LGR4: variants seen among roughly 807,000 people sequenced by gnomAD.
The protein encoded by LGR4 is leucine-rich repeat-containing G protein-coupled receptor 4.
In LGR4, 44 loss-of-function variants were observed where a neutral mutation model predicts 84.8. The ratio of observed to expected loss-of-function variants is 0.52; its 90% CI spans 0.41 to 0.67. LGR4 has a LOEUF of 0.67. LGR4 is among the 30% of genes least tolerant of loss of function. The pLI is 0.00. For synonymous variants in LGR4, 429 were observed against 434.3 expected (o/e 0.99, Z 0.15); for missense variants, 1,032 against 1,131.4 (o/e 0.91, Z 1.26).
chr11:27,372,342 T>A lies in LGR4; in HGVS notation c.1436A>T (p.Tyr479Phe). Residue 479 changes from tyrosine to phenylalanine, a missense_variant, in exon 16 of 18, where the codon TAT (tyrosine) becomes TTT (phenylalanine). Tyr to Phe is a conservative substitution (Grantham distance 22, BLOSUM62 3). Coordinates refer to ENST00000379214, the MANE Select transcript of LGR4 (RefSeq NM_018490.5). Reference sequence around the variant, plus strand: ...GTTATCTTCTGTGTTTAAATTTGCATAAGAGTCACAACCCCAAAATGCACA... The same window carrying A: ...GTTATCTTCTGTGTTTAAATTTGCAAAAGAGTCACAACCCCAAAATGCACA... Reference protein sequence around the residue: ...QCCAFWGCDSYANLNTEDNSL... With the variant: ...QCCAFWGCDSFANLNTEDNSL... 6.2e-7 allele frequency: 1 copy of A among 1,613,906 alleles called. No individual in the cohort carries two copies. The highest frequency in any genetic ancestry group is 8.5e-7 in the Non-Finnish European group (1 of 1,179,820).
chr11:27,416,361 A>G (rs75071038), intron 1 of LGR4, among the ~76,000 whole-genome samples: 7,889 of 152,238 alleles, frequency 0.052, 251 homozygotes, highest in Middle Eastern at 0.095. Flanking sequence ...TCGTTTGTAA[A>G]ACGGAGGCAG....
At chr11:27,467,743 C>A (rs1383249431) in intron 1 of LGR4, among the ~76,000 whole-genome samples, 1 of 152,172 alleles carries the variant, frequency 6.6e-6, no homozygotes. Flanking sequence ...TGGAACCCAG[C>A]ACTCCCTATG....
In LGR4 at chr11:27,466,691, G is replaced by A. The variant is rs542067226; in HGVS notation, c.185+5427C>T. On this transcript the variant is annotated intron_variant, in intron 1 of 17. Transcript: ENST00000379214. ...ATTAAACACTTATGATACCATAACC[G>A]GCAGAGCATTTAGTTTGACTGGAAA... 3.3e-5 allele frequency among the ~76,000 whole-genome samples: 5 copies of A among 152,310 alleles called. No homozygotes were observed. In the South Asian group the frequency reaches 8.3e-4, roughly 25 times the overall value.
rs191549695 is a variant in LGR4 at position 27,367,839 on chromosome 11, C to T, written c.*28G>A. 1.2e-5 allele frequency: 18 copies of T among 1,515,538 alleles called. No individual in the cohort carries two copies. The highest frequency in any genetic ancestry group is 3.5e-4 in the Middle Eastern group (2 of 5,648). 93.9% of individuals were successfully genotyped at this position (1,515,538 alleles called of 1,614,324 possible). ...CTCTATAAACACTGATTTTGGTTGA[C>T]GGGGGAAACGGTTACACACACAGTA... On this transcript the variant is annotated 3_prime_UTR_variant, in exon 18 of 18. Transcript: ENST00000379214.
intron 2 of LGR4, among the ~76,000 whole-genome samples, chr11:27,409,547 G>A (rs1008714368): frequency 7.2e-5 from 11 of 151,820 alleles, no homozygotes; most frequent in Non-Finnish European, 1.5e-4. Flanking sequence ...AGTTATTCAG[G>A]GCAAAAACCC....
intron 4 of LGR4, among the ~76,000 whole-genome samples, chr11:27,387,947 G>A (rs184433805): frequency 1.3e-5 from 2 of 152,144 alleles, no homozygotes; most frequent in African/African-American, 4.8e-5. Flanking sequence ...TGAATTCTGT[G>A]TCATCAAGGA....
rs1165353709 is a variant in LGR4 at position 27,472,756 on chromosome 11, T to A, written c.-454A>T. ...TGTCTCCCAGCCGCGGCTCAATCTC[T>A]TCCCGTCCTTTTCCCTTCTAGGGTT... On this transcript the variant is annotated 5_prime_UTR_variant, in exon 1 of 18. In the 5' UTR this introduces an upstream ATG that the reference lacks. Transcript: ENST00000379214. The A allele has an allele frequency of 3.3e-6, 1 of 303,268 alleles. No homozygotes were observed. Among genetic ancestry groups the A allele is most frequent in the Non-Finnish European group, 6.0e-6 (1 of 166,100 alleles). The allele number at this position is 303,268 out of a possible 1,614,324, so 18.8% of individuals were successfully genotyped here. A position where few individuals can be genotyped will look rare whatever the true frequency, so the allele number is the denominator to read the frequency against.
At chr11:27,399,304 G>A (rs1323446010) in intron 2 of LGR4, among the ~76,000 whole-genome samples, 4 of 152,064 alleles carry the variant, frequency 2.6e-5, no homozygotes, top group Non-Finnish European at 5.9e-5. Flanking sequence ...TGCTTCTCCT[G>A]GGATGCCATT....
At chr11:27,412,960 G>A (rs759856082) in intron 1 of LGR4, 100 bp from the exon 2 acceptor site, 1 of 780,010 alleles carries the variant, frequency 1.3e-6, no homozygotes, top group East Asian at 2.5e-5. Context: ...TTTTGTGAAA[G>A]AGCATAGAAG....
At chr11:27,428,579 G>A (rs1357786962) in intron 1 of LGR4, among the ~76,000 whole-genome samples, 6 of 152,188 alleles carry the variant, frequency 3.9e-5, no homozygotes, top group Non-Finnish European at 8.8e-5. Flanking sequence ...AGTCAAGAAG[G>A]AAAGATCAAC....
chr11:27,401,224 A>G (rs933368196), intron 2 of LGR4, among the ~76,000 whole-genome samples: 1 of 152,222 alleles, frequency 6.6e-6, no homozygotes, highest in Non-Finnish European at 1.5e-5. Context: ...TTAACAAAAA[A>G]TAAGTACGTT....
chr11:27,376,490 CATT>C (rs1389794872), intron 12 of LGR4, 120 bp from the exon 13 acceptor site: 2 of 496,898 alleles, frequency 4.0e-6, no homozygotes, highest in African/African-American at 4.0e-5. Context: ...TGAAAAATAA[CATT>C]ATAACATTTC....
In LGR4 at chr11:27,376,290, C is replaced by A. The variant is rs1282653414; in HGVS notation, c.1181+9G>T. 5.3e-6 allele frequency: 8 copies of A among 1,519,702 alleles called. No individual in the cohort carries two copies. Among genetic ancestry groups the A allele is most frequent in the African/African-American group, 1.4e-5 (1 of 71,518 alleles). The allele number at this position is 1,519,702 out of a possible 1,614,324, so 94.1% of individuals were successfully genotyped here. ...ATTTATTGTCTTTAATAATCATAGA[C>A]AAACTTACAGAATCCTTAGAGATAT... is the stretch of plus-strand genomic sequence containing the variant. On this transcript the variant is annotated intron_variant, in intron 13 of 17. Transcript: ENST00000379214.
At chr11:27,420,539 T>C (rs1177309369) in intron 1 of LGR4, among the ~76,000 whole-genome samples, 1 of 152,176 alleles carries the variant, frequency 6.6e-6, no homozygotes, top group Non-Finnish European at 1.5e-5. Flanking sequence ...AAAGGGCAGA[T>C]ATTACTAATA....
intron 1 of LGR4, among the ~76,000 whole-genome samples, chr11:27,418,612 C>G (rs993194628): frequency 1.3e-5 from 2 of 152,066 alleles, no homozygotes; most frequent in Non-Finnish European, 2.9e-5. Context: ...CATATTGACA[C>G]TTAAAAATAA....
chr11:27,463,899 C>T (rs532785171), intron 1 of LGR4, among the ~76,000 whole-genome samples: 3 of 152,324 alleles, frequency 2.0e-5, no homozygotes, highest in African/African-American at 7.2e-5. Flanking sequence ...ATTCCGCGTA[C>T]ACTTCAACTT....
intron 2 of LGR4, among the ~76,000 whole-genome samples, chr11:27,397,770 G>A (rs564019805): frequency 4.8e-4 from 73 of 152,256 alleles, no homozygotes; most frequent in African/African-American, 1.6e-3. Context: ...CTCAACACAC[G>A]CTGTGTTGTG....
chr11:27,380,653 C>T lies in LGR4; in HGVS notation c.889G>A (p.Asp297Asn), dbSNP rs1219046482. The change falls in exon 9 of 18, where the codon GAT (aspartate) becomes AAT (asparagine). Residue 297 changes from aspartate (D) to asparagine (N), a missense_variant. By Grantham distance (23) the Asp-to-Asn change is conservative. Transcript: ENST00000379214. ...TCACATACTTACAGGGAATGAAGAT[C>T]AGATAAATTGTGAAATGCTGAGTTC... ...VGNSAFHNLSDLHSLVIRGAS... is the reference protein window; with the variant it reads ...VGNSAFHNLSNLHSLVIRGAS... 1 of 1,579,386 alleles carries T rather than the reference C, an allele frequency of 6.3e-7. No homozygotes were observed. The highest frequency in any genetic ancestry group is 1.7e-5 in the Admixed American group (1 of 59,856).
chr11:27,378,885 C>A, intron 10 of LGR4, 117 bp from the exon 11 acceptor site: 1 of 674,686 alleles, frequency 1.5e-6, no homozygotes, highest in Non-Finnish European at 2.6e-6. Flanking sequence ...CTATACATCC[C>A]ATGGCCTAAT....
Sources: allele counts gnomAD v4.1 joint callset (sites outside exome capture counted in the v4.1 genomes callset), GRCh38; gene constraint gnomAD v4.1.1; transcripts MANE v1.5; gene names NCBI Gene and HGNC (gene_info 2026-07-23, HGNC 2026-07-21).